Variants in XKR6 observed in about 807,000 individuals in gnomAD.
XKR6 encodes the protein XK related 6, also known as XK-related protein 6.
Under a neutral mutation model 56.7 loss-of-function variants are expected in XKR6, and 22 were observed. The ratio of observed to expected loss-of-function variants is 0.39; its 90% CI spans 0.28 to 0.55. The LOEUF (loss-of-function observed/expected upper bound fraction) is 0.55, where lower values mean the gene tolerates loss of function less well. XKR6 is among the 20% of genes least tolerant of loss of function. The pLI is 0.66. For synonymous variants in XKR6, 524 were observed against 387.8 expected (o/e 1.35, Z -4.13); for missense variants, 852 against 889.0 (o/e 0.96, Z 0.53).
At chr8:10,908,963 G>C (rs1211649451) in intron 2 of XKR6, among the ~76,000 whole-genome samples, 2 of 152,214 alleles carry the variant, frequency 1.3e-5, no homozygotes, top group Non-Finnish European at 2.9e-5. Context: ...TCAGGAGTTT[G>C]AGACTAGCCT....
chr8:10,958,015 C>T (rs569583766), intron 1 of XKR6, among the ~76,000 whole-genome samples: 11 of 152,296 alleles, frequency 7.2e-5, no homozygotes, highest in South Asian at 2.1e-4. Flanking sequence ...AAGAAACCCA[C>T]GTGATCTGGA....
intron 1 of XKR6, among the ~76,000 whole-genome samples, chr8:11,178,570 A>ATT (rs1486350926): frequency 7.0e-6 from 1 of 142,566 alleles, no homozygotes; most frequent in African/African-American, 2.6e-5. Flanking sequence ...ATATATATAT[A>ATT]TATGTATATA....
intron 1 of XKR6, among the ~76,000 whole-genome samples, chr8:11,069,097 C>G (rs972695922): frequency 6.6e-6 from 1 of 152,070 alleles, no homozygotes; most frequent in African/African-American, 2.4e-5. Context: ...GAGCTGAGAC[C>G]GATACCACAA....
chr8:10,969,607 C>T (rs559056872), intron 1 of XKR6, among the ~76,000 whole-genome samples: 4 of 152,178 alleles, frequency 2.6e-5, no homozygotes, highest in South Asian at 2.1e-4. Context: ...AACAGAATCA[C>T]GGGCTGGTGG....
rs991998656 is a variant in XKR6 at position 11,004,143 on chromosome 8, T to C, written c.765-79313A>G. ...GAGTTATGAGGAGCCCTGGGAGTCT[T>C]GGGCTGGGGCAGTGAAATGCTCAAG... is the stretch of plus-strand genomic sequence containing the variant. On this transcript the variant is annotated intron_variant, in intron 1 of 2. Coordinates refer to ENST00000416569, the MANE Select transcript of XKR6 (RefSeq NM_173683.4). Among the ~76,000 whole-genome samples, 30 of 152,266 alleles carry C rather than the reference T, an allele frequency of 2.0e-4. 1 individual carries two copies. The highest frequency in any genetic ancestry group is 7.0e-4 in the African/African-American group (29 of 41,562).
At chr8:11,083,912 G>T (rs1797805855) in intron 1 of XKR6, among the ~76,000 whole-genome samples, 1 of 151,742 alleles carries the variant, frequency 6.6e-6, no homozygotes, top group Non-Finnish European at 1.5e-5. Flanking sequence ...CAGATTGTAA[G>T]TTTGCTGTTT....
At chr8:10,947,142 G>A (rs1171436371) in intron 1 of XKR6, among the ~76,000 whole-genome samples, 1 of 152,132 alleles carries the variant, frequency 6.6e-6, no homozygotes, top group East Asian at 1.9e-4. Context: ...CAGTGACTAC[G>A]AGTGAGGAGA....
At chr8:10,961,977 GAGAGTAAAAGCTATC>G (rs1473169174) in intron 1 of XKR6, among the ~76,000 whole-genome samples, 3 of 152,172 alleles carry the variant, frequency 2.0e-5, no homozygotes, top group South Asian at 2.1e-4. Context: ...CCACCTTTCT[GAGAGTAAAAGCTATC>G]CCTTTTATTT....
intron 1 of XKR6, among the ~76,000 whole-genome samples, chr8:11,080,261 G>A (rs931500997): frequency 6.6e-6 from 1 of 152,062 alleles, no homozygotes; most frequent in African/African-American, 2.4e-5. Flanking sequence ...AGAGCTTCAA[G>A]CAAACGAACA....
At chr8:11,149,412 T>C (rs1801154161) in intron 1 of XKR6, among the ~76,000 whole-genome samples, 1 of 152,230 alleles carries the variant, frequency 6.6e-6, no homozygotes, top group Non-Finnish European at 1.5e-5. Flanking sequence ...CCGTCGTATA[T>C]GTGGTCTGCT....
chr8:10,971,489 C>G (rs1045046401), intron 1 of XKR6, among the ~76,000 whole-genome samples: 8 of 151,928 alleles, frequency 5.3e-5, no homozygotes, highest in Non-Finnish European at 1.2e-4. Flanking sequence ...TACGAGCAGC[C>G]TCCATACACT....
At chr8:11,123,931 C>T (rs1799611104) in intron 1 of XKR6, 1 of 456,000 alleles carries the variant, frequency 2.2e-6, no homozygotes, top group Admixed American at 2.4e-5. Flanking sequence ...GGCTTGCCAC[C>T]TCATCGCAGC....
intron 1 of XKR6, among the ~76,000 whole-genome samples, chr8:11,149,689 T>C (rs566367166): frequency 1.1e-4 from 16 of 151,718 alleles, no homozygotes; most frequent in African/African-American, 3.9e-4. Flanking sequence ...AGTATGAAGA[T>C]TTCTCACAAA....
rs890368315 is a variant in XKR6 at position 10,896,128 on chromosome 8, ATTT to A, written c.*1821_*1823del. 3 of 144,658 alleles carry A rather than the reference ATTT, an allele frequency of 2.1e-5. No homozygotes were observed. The highest frequency in any genetic ancestry group is 7.6e-5 in the African/African-American group (3 of 39,604). 9.0% of individuals were successfully genotyped at this position (144,658 alleles called of 1,614,324 possible). On this transcript the variant is annotated 3_prime_UTR_variant, in exon 3 of 3. Coordinates refer to ENST00000416569, the MANE Select transcript of XKR6 (RefSeq NM_173683.4). ...ATACTTATTATATATCTTTTTTGTG[ATTT>A]TTTTTCTTTTCCTTTTTTTTTGTGC...
chr8:11,182,391 T>C (rs58861459), intron 1 of XKR6, among the ~76,000 whole-genome samples: 2,264 of 152,318 alleles, frequency 0.015, 55 homozygotes, highest in African/African-American at 0.052. Context: ...TGTGGCGCAT[T>C]AACACCAGGA....
intron 2 of XKR6, among the ~76,000 whole-genome samples, chr8:10,913,019 GGAGA>G (rs921964556): frequency 6.9e-6 from 1 of 144,400 alleles, no homozygotes; most frequent in Non-Finnish European, 1.5e-5. Flanking sequence ...CAGAGAGAGA[GGAGA>G]GAAAGGGTGT....
chr8:10,929,785 G>A (rs1242423471), intron 1 of XKR6, among the ~76,000 whole-genome samples: 1 of 152,220 alleles, frequency 6.6e-6, no homozygotes, highest in African/African-American at 2.4e-5. Context: ...CAGACAGGAG[G>A]TTAGAAGTCA....
chr8:10,966,739 C>T (rs1461149901), intron 1 of XKR6, among the ~76,000 whole-genome samples: 2 of 152,026 alleles, frequency 1.3e-5, no homozygotes, highest in African/African-American at 4.8e-5. Flanking sequence ...GCCCTCAGAC[C>T]TCTAGAATAG....
chr8:10,978,844 G>A (rs1797656986), intron 1 of XKR6, among the ~76,000 whole-genome samples: 1 of 152,158 alleles, frequency 6.6e-6, no homozygotes, highest in African/African-American at 2.4e-5. Context: ...AACTTCAGTG[G>A]CCACCGTGGC....
Sources: gnomAD v4.1 joint callset for allele counts (sites outside exome capture counted in the v4.1 genomes callset) on GRCh38, gnomAD v4.1.1 for gene constraint, MANE v1.5 for transcripts, NCBI Gene and HGNC (gene_info 2026-07-23, HGNC 2026-07-21) for gene names.